Variants in PKHD1 observed in about 807,000 individuals in gnomAD.
The protein encoded by PKHD1 is fibrocystin.
In PKHD1, 291 loss-of-function variants were observed where a neutral mutation model predicts 412.0. The observed-to-expected ratio is 0.71, with a 90% CI of 0.64 to 0.78. The LOEUF is 0.78. PKHD1 is among the 30% of genes least tolerant of loss of function. The pLI, the probability that PKHD1 is intolerant of heterozygous loss-of-function variation, is 0.00. For missense variants in PKHD1, 4,825 were observed against 4,950.7 expected (o/e 0.97, Z 0.76); for synonymous variants, 1,777 against 1,821.5 (o/e 0.98, Z 0.62).
chr6:52,043,552 C>T (rs1581914104), intron 26 of PKHD1, 73 bp downstream of exon 26: 1 of 1,014,832 alleles, frequency 9.9e-7, no homozygotes, highest in East Asian at 2.4e-5. Flanking sequence ...CCATCACCAG[C>T]TACATGGCCT....
At chr6:52,054,296 TC>T in intron 19 of PKHD1, 131 bp from the exon 20 acceptor site, 1 of 781,622 alleles carries the variant, frequency 1.3e-6, no homozygotes. Flanking sequence ...TTCCTGCCCT[TC>T]CAGAGCTTAC....
chr6:51,651,832 G>GA (rs1771028148), intron 61 of PKHD1, among the ~76,000 whole-genome samples: 1 of 152,132 alleles, frequency 6.6e-6, no homozygotes, highest in Non-Finnish European at 1.5e-5. Context: ...GGGATGGAGG[G>GA]AAGATTAGAT....
intron 57 of PKHD1, among the ~76,000 whole-genome samples, chr6:51,750,162 G>A (rs929415315): frequency 2.0e-5 from 3 of 152,084 alleles, no homozygotes; most frequent in African/African-American, 4.8e-5. Flanking sequence ...GAACCTATAC[G>A]TCTACTTGGG....
intron 50 of PKHD1, among the ~76,000 whole-genome samples, chr6:51,843,262 A>G (rs563083297): frequency 6.6e-6 from 1 of 152,192 alleles, no homozygotes; most frequent in African/African-American, 2.4e-5. Flanking sequence ...TAATTAAGCA[A>G]TAAATAGAGA....
intron 60 of PKHD1, among the ~76,000 whole-genome samples, chr6:51,697,827 T>A (rs1014637047): frequency 6.6e-6 from 1 of 152,202 alleles, no homozygotes; most frequent in African/African-American, 2.4e-5. Flanking sequence ...TGCCCAAATT[T>A]CAATTCCTGG....
chr6:52,066,221 T>C (rs1342578709), intron 11 of PKHD1, 144 bp from the exon 12 acceptor site: 1 of 598,410 alleles, frequency 1.7e-6, no homozygotes, highest in African/African-American at 1.9e-5. Context: ...TTTCTAGTAA[T>C]AACTATTTAA....
At chr6:51,754,072 A>T (rs987512) in intron 56 of PKHD1, among the ~76,000 whole-genome samples, 1 of 152,036 alleles carries the variant, frequency 6.6e-6, no homozygotes, top group Non-Finnish European at 1.5e-5. Context: ...TTGCCTCTCA[A>T]GTATCAGAGA....
At chr6:51,637,069 C>T (rs959063225) in intron 64 of PKHD1, among the ~76,000 whole-genome samples, 1 of 152,178 alleles carries the variant, frequency 6.6e-6, no homozygotes, top group Non-Finnish European at 1.5e-5. Context: ...TTCAAAATCA[C>T]AGGAGTTACC....
intron 60 of PKHD1, chr6:51,740,143 T>G (rs535154949): frequency 4.9e-6 from 2 of 405,388 alleles, no homozygotes; most frequent in Non-Finnish European, 1.0e-5. Context: ...TGCTCTCTAC[T>G]GTTATACATT....
intron 63 of PKHD1, among the ~76,000 whole-genome samples, chr6:51,643,087 T>C (rs2150345873): frequency 6.6e-6 from 1 of 152,314 alleles, no homozygotes; most frequent in African/African-American, 2.4e-5. Flanking sequence ...TCTATGCTGC[T>C]GTATTAAGAT....
intron 63 of PKHD1, among the ~76,000 whole-genome samples, chr6:51,647,123 A>C (rs1243816136): frequency 6.6e-6 from 1 of 152,132 alleles, no homozygotes; most frequent in Non-Finnish European, 1.5e-5. Context: ...ATTCTCCTTA[A>C]CATATTTTCT....
At chr6:51,961,497 T>C (rs946756541) in intron 35 of PKHD1, among the ~76,000 whole-genome samples, 1 of 152,108 alleles carries the variant, frequency 6.6e-6, no homozygotes, top group Non-Finnish European at 1.5e-5. Context: ...TGAACTGCAG[T>C]ATCTGTAGGC....
chr6:51,892,707 G>A (rs1779299006), intron 43 of PKHD1, among the ~76,000 whole-genome samples: 1 of 152,102 alleles, frequency 6.6e-6, no homozygotes, highest in Non-Finnish European at 1.5e-5. Context: ...TGCTTTAATA[G>A]TCTTTACTAG....
At chr6:51,975,522 A>G (rs1239696818) in intron 35 of PKHD1, among the ~76,000 whole-genome samples, 5 of 151,434 alleles carry the variant, frequency 3.3e-5, no homozygotes, top group Admixed American at 3.3e-4. Flanking sequence ...AGATATACGG[A>G]TGGCCAATAA....
intron 37 of PKHD1, among the ~76,000 whole-genome samples, chr6:51,932,901 C>A (rs185247310): frequency 6.6e-6 from 1 of 152,110 alleles, no homozygotes; most frequent in Non-Finnish European, 1.5e-5. Context: ...GGCCTGTGGT[C>A]GGTATGAGAC....
rs565343040 is a variant in PKHD1 at position 51,913,439 on chromosome 6, G to A, written c.6122-863C>T. 2.0e-5 allele frequency among the ~76,000 whole-genome samples: 3 copies of A among 152,118 alleles called. No homozygotes were observed. In the South Asian group the frequency reaches 6.2e-4, roughly 32 times the overall value. The stretch of plus-strand genomic sequence containing the variant: ...TCTCTAATTATCAAAGATTCAAGAA[G>A]GTCATCTGTCTCACAGTTTATTCTG... On this transcript the variant is annotated intron_variant, in intron 37 of 66. Transcript: ENST00000371117.
At chr6:51,675,375 T>G (rs928142581) in intron 60 of PKHD1, among the ~76,000 whole-genome samples, 2 of 152,202 alleles carry the variant, frequency 1.3e-5, no homozygotes, top group African/African-American at 4.8e-5. Flanking sequence ...TGTTTTTGTC[T>G]TTTCTTTTCT....
At chr6:52,016,733 A>T (rs1383811761) in intron 34 of PKHD1, among the ~76,000 whole-genome samples, 1 of 152,206 alleles carries the variant, frequency 6.6e-6, no homozygotes, top group Non-Finnish European at 1.5e-5. Context: ...AGAAGTTTAC[A>T]TGACAATGTT....
At chr6:51,989,373 G>C (rs1796595779) in intron 35 of PKHD1, among the ~76,000 whole-genome samples, 2 of 152,190 alleles carry the variant, frequency 1.3e-5, no homozygotes, top group Admixed American at 1.3e-4. Context: ...ATACAATTCT[G>C]TTGGTGCAGT....
Sources: allele counts gnomAD v4.1 joint callset (sites outside exome capture counted in the v4.1 genomes callset), GRCh38; gene constraint gnomAD v4.1.1; transcripts MANE v1.5; gene names NCBI Gene and HGNC (gene_info 2026-07-23, HGNC 2026-07-21).